The following ABCB11 variants were observed in gnomAD, a reference collection of about 807,000 sequenced individuals.
ABCB11 encodes ATP binding cassette subfamily B member 11.
A neutral mutation model predicts 148.0 loss-of-function variants in ABCB11; 95 were observed. The observed-to-expected ratio is 0.64, with a 90% CI of 0.54 to 0.76. The LOEUF (loss-of-function observed/expected upper bound fraction) is 0.76. ABCB11 is among the 30% of genes least tolerant of loss of function. ABCB11 has a pLI of 0.00. For missense variants in ABCB11, 1,523 were observed against 1,617.8 expected (o/e 0.94, Z 1.01); for synonymous variants, 591 against 555.4 (o/e 1.06, Z -0.90).
Position 168,923,415 on chromosome 2 carries a change from A to C in ABCB11, c.*207T>G. The C allele has an allele frequency of 1.6e-6, 1 of 612,964 alleles. No individual in the cohort carries two copies. The highest frequency in any genetic ancestry group is 2.9e-6 in the Non-Finnish European group (1 of 349,300). 38.0% of individuals were successfully genotyped at this position (612,964 alleles called of 1,614,324 possible). ...GACCCTAGTTTCTTTCATTTTCTGT[A>C]TACACATCTAAAGCAGAATTATTAT... On this transcript the variant is annotated 3_prime_UTR_variant, in exon 28 of 28. Coordinates refer to ENST00000650372, the MANE Select transcript of ABCB11 (RefSeq NM_003742.4).
chr2:168,964,448 G>A lies in ABCB11; in HGVS notation c.2076-140C>T, dbSNP rs183473926. 3,112 of 704,900 alleles carry A rather than the reference G, an allele frequency of 4.4e-3. 33 individuals are homozygous for A. The highest frequency in any genetic ancestry group is 5.4e-3 in the South Asian group (297 of 54,742). The allele number at this position is 704,900 out of a possible 1,614,324, so 43.7% of individuals were successfully genotyped here. A position where few individuals can be genotyped will look rare whatever the true frequency, so the allele number is the denominator to read the frequency against. On this transcript the variant is annotated intron_variant, in intron 17 of 27. Coordinates refer to ENST00000650372, the MANE Select transcript of ABCB11 (RefSeq NM_003742.4). ...ACATGGTAACCAGGAAAGGGAGCTT[G>A]CAGGTTAGGTTTGACAGAGCTAATC...
chr2:168,935,158 T>TCTCACCTTGGCTAGATATTC, intron 23 of ABCB11, 26 bp downstream of exon 23: 5 of 1,612,650 alleles, frequency 3.1e-6, no homozygotes, highest in Non-Finnish European at 4.2e-6. Context: ...GTTGATCTTT[T>TCTCACCTTGGCTAGATATTC]CTCACCTTGG....
chr2:169,005,514 T>A (rs1264383246), intron 5 of ABCB11, among the ~76,000 whole-genome samples: 1 of 152,074 alleles, frequency 6.6e-6, no homozygotes, highest in Non-Finnish European at 1.5e-5. Flanking sequence ...CTGCTCCCAC[T>A]CAGCCCGCAG....
intron 18 of ABCB11, among the ~76,000 whole-genome samples, chr2:168,963,466 G>A (rs1693164777): frequency 6.6e-6 from 1 of 151,668 alleles, no homozygotes; most frequent in South Asian, 2.1e-4. Flanking sequence ...CATGTAACGT[G>A]CAGTAATGAG....
chr2:168,948,861 A>G (rs1432619757), intron 19 of ABCB11, among the ~76,000 whole-genome samples: 1 of 151,682 alleles, frequency 6.6e-6, no homozygotes, highest in Non-Finnish European at 1.5e-5. Context: ...CCCTCCTTAC[A>G]CGATGGACTT....
intron 2 of ABCB11, among the ~76,000 whole-genome samples, chr2:169,017,694 T>G (rs1695404681): frequency 6.6e-6 from 1 of 152,154 alleles, no homozygotes; most frequent in South Asian, 2.1e-4. Flanking sequence ...CTGCAGAGTC[T>G]GGGCACAGTT....
intron 5 of ABCB11, among the ~76,000 whole-genome samples, chr2:169,007,180 G>A (rs189162440): frequency 6.6e-6 from 1 of 152,204 alleles, no homozygotes; most frequent in African/African-American, 2.4e-5. Flanking sequence ...ATAGCATTGA[G>A]AGTCCACAAA....
At chr2:168,956,169 CAAA>C (rs1318706703) in intron 19 of ABCB11, among the ~76,000 whole-genome samples, 1 of 151,614 alleles carries the variant, frequency 6.6e-6, no homozygotes, top group East Asian at 2.0e-4. Flanking sequence ...GGGAAGACTA[CAAA>C]GTTTTAAACA....
At chr2:169,003,388 A>G (rs955291787) in intron 5 of ABCB11, among the ~76,000 whole-genome samples, 4 of 149,282 alleles carry the variant, frequency 2.7e-5, no homozygotes, top group Non-Finnish European at 5.9e-5. Flanking sequence ...ACATATTAAA[A>G]TGTAATATAT....
intron 5 of ABCB11, among the ~76,000 whole-genome samples, chr2:169,008,063 A>G (rs1320176123): frequency 6.6e-6 from 1 of 152,224 alleles, no homozygotes; most frequent in East Asian, 1.9e-4. Context: ...AGCACCTAAA[A>G]AGAAGCCAAA....
chr2:168,962,601 A>G (rs969348003), intron 18 of ABCB11, among the ~76,000 whole-genome samples: 3 of 151,646 alleles, frequency 2.0e-5, no homozygotes, highest in Non-Finnish European at 3.0e-5. Context: ...TTATTGTCAA[A>G]TATCTACCCA....
chr2:168,983,417 A>G (rs763146576), intron 10 of ABCB11, among the ~76,000 whole-genome samples: 2 of 152,290 alleles, frequency 1.3e-5, no homozygotes, highest in Non-Finnish European at 2.9e-5. Flanking sequence ...TCCAATCTGT[A>G]AAAACTGTAT....
intron 1 of ABCB11, among the ~76,000 whole-genome samples, chr2:169,024,043 G>A (rs1175217879): frequency 1.3e-5 from 2 of 152,046 alleles, no homozygotes; most frequent in African/African-American, 4.8e-5. Context: ...GGGGCCTATT[G>A]GGGGAGGGCA....
intron 5 of ABCB11, among the ~76,000 whole-genome samples, chr2:169,001,396 T>C (rs140023066): frequency 3.3e-5 from 5 of 152,312 alleles, no homozygotes; most frequent in African/African-American, 9.6e-5. Flanking sequence ...ATTTATTTCA[T>C]CTGAAAATGT....
At chr2:169,026,563 GGCCTT>G (rs2106075365) in intron 1 of ABCB11, among the ~76,000 whole-genome samples, 1 of 152,170 alleles carries the variant, frequency 6.6e-6, no homozygotes, top group East Asian at 1.9e-4. Flanking sequence ...AAAGAATGAA[GGCCTT>G]GCCTGTGATA....
chr2:169,016,779 T>G lies in ABCB11; in HGVS notation c.97A>C (p.Arg33=), dbSNP rs191280849. The G allele has an allele frequency of 1.3e-6, 2 of 1,597,514 alleles. No homozygotes were observed. Among genetic ancestry groups the G allele is most frequent in the Admixed American group, 3.4e-5 (2 of 58,532 alleles). The change falls in exon 3 of 28, where the codon AGG becomes CGG. Residue 33 remains arginine, a splice_region_variant and synonymous_variant. Coordinates refer to ENST00000650372, the MANE Select transcript of ABCB11 (RefSeq NM_003742.4). ...DKSYNNDKKS[R]LQDEKKGDGV... is the part of the protein sequence containing the mutation. ...GCATTGTTGAAATCAGTCACTTACC[T>G]TGATTTCTTATCATTATTATCTGTC...
At chr2:168,977,478 C>G (rs2105979202) in intron 11 of ABCB11, among the ~76,000 whole-genome samples, 1 of 152,158 alleles carries the variant, frequency 6.6e-6, no homozygotes, top group South Asian at 2.1e-4. Context: ...AGCAACAAGC[C>G]CAATCTAGAA....
intron 12 of ABCB11, among the ~76,000 whole-genome samples, chr2:168,974,999 A>G (rs1693755630): frequency 6.8e-6 from 1 of 146,490 alleles, no homozygotes; most frequent in Admixed American, 6.9e-5. Flanking sequence ...CATTTGTTAT[A>G]TATATTTATA....
At chr2:168,916,824 C>T (rs1040957662), downstream of ABCB11, among the ~76,000 whole-genome samples, 1 of 152,088 alleles carries the variant, frequency 6.6e-6, no homozygotes, top group African/African-American at 2.4e-5. Flanking sequence ...CTCTAACATC[C>T]TTTTGTGCCT....
Sources: gnomAD v4.1 joint callset for allele counts (sites outside exome capture counted in the v4.1 genomes callset) on GRCh38, gnomAD v4.1.1 for gene constraint, MANE v1.5 for transcripts, NCBI Gene and HGNC (gene_info 2026-07-23, HGNC 2026-07-21) for gene names.